Variants in ADRA1B observed in about 807,000 individuals in gnomAD.
ADRA1B encodes adrenoceptor alpha 1B, also known as alpha-1B adrenergic receptor.
ADRA1B carries 17 observed loss-of-function variants against 17.9 expected under a neutral mutation model. The observed-to-expected ratio is 0.95, with a 90% CI of 0.65 to 1.42. The LOEUF is 1.42. ADRA1B is among the 40% of genes most tolerant of loss of function. The pLI is 0.00. For synonymous variants in ADRA1B, 366 were observed against 327.6 expected, an observed-to-expected ratio of 1.12 and a Z score of -1.27; for missense variants, 681 against 722.1, an observed-to-expected ratio of 0.94 and a Z score of 0.65.
Position 159,925,451 on chromosome 5 carries a change from C to A in ADRA1B, c.949+7597C>A, listed in dbSNP as rs186515239. Among the ~76,000 whole-genome samples the A allele has an allele frequency of 3.3e-5, 5 of 152,170 alleles. No homozygotes were observed. In the East Asian group the frequency reaches 9.6e-4, roughly 29 times the overall value. On this transcript the variant is annotated intron_variant, in intron 1 of 1. Coordinates refer to ENST00000306675, the MANE Select transcript of ADRA1B (RefSeq NM_000679.4). ...GGAGAAACACATAAAATTTAGAGGA[C>A]TTTTTTACAGTTTAGTTTCTGGCTG...
intron 1 of ADRA1B, chr5:159,950,716 A>T: frequency 1.5e-6 from 1 of 681,094 alleles, no homozygotes; most frequent in Non-Finnish European, 2.7e-6. Flanking sequence ...TGCTCACTTC[A>T]CCACCTTCTT....
chr5:159,872,373 A>T (rs1218799466), intron 1 of ADRA1B, among the ~76,000 whole-genome samples: 3 of 152,194 alleles, frequency 2.0e-5, no homozygotes, highest in Admixed American at 2.0e-4. Context: ...GCTAGAAGCC[A>T]GCTGATGCAG....
At chr5:159,938,271 C>T (rs751017012) in intron 1 of ADRA1B, among the ~76,000 whole-genome samples, 3 of 152,206 alleles carry the variant, frequency 2.0e-5, no homozygotes, top group Non-Finnish European at 2.9e-5. Context: ...ATATGATGAG[C>T]TAATCCTCAG....
intron 1 of ADRA1B, among the ~76,000 whole-genome samples, chr5:159,941,664 G>A (rs1755130350): frequency 6.6e-6 from 1 of 152,140 alleles, no homozygotes; most frequent in South Asian, 2.1e-4. Context: ...GCAAAATGTG[G>A]TATATCCATA....
intron 1 of ADRA1B, among the ~76,000 whole-genome samples, chr5:159,962,548 T>C (rs1256351367): frequency 4.6e-5 from 7 of 151,968 alleles, no homozygotes; most frequent in Admixed American, 3.3e-4. Flanking sequence ...ATCTGTAAAA[T>C]AGGGATAATC....
chr5:159,919,730 G>C (rs533430242), intron 1 of ADRA1B, among the ~76,000 whole-genome samples: 1 of 152,232 alleles, frequency 6.6e-6, no homozygotes, highest in Non-Finnish European at 1.5e-5. Flanking sequence ...AGCCTGCAGA[G>C]GCTGTGACCA....
intron 1 of ADRA1B, among the ~76,000 whole-genome samples, chr5:159,893,379 C>T (rs1754008105): frequency 2.4e-5 from 1 of 40,846 alleles, no homozygotes; most frequent in Admixed American, 1.6e-4. Context: ...AGTGCCTTAT[C>T]CATAGGAAGT....
upstream of ADRA1B, among the ~76,000 whole-genome samples, chr5:159,915,202 C>T (rs1270209709): frequency 6.6e-6 from 1 of 152,174 alleles, no homozygotes; most frequent in African/African-American, 2.4e-5. Context: ...TAGCTGAGTA[C>T]CCAACTTTGG....
At chr5:159,986,240 G>C in the ADRA1B span, among the ~76,000 whole-genome samples, 4 of 152,198 alleles carry the variant, frequency 2.6e-5, no homozygotes, top group Non-Finnish European at 5.9e-5. Flanking sequence ...GACTACAGGT[G>C]CATGCCACCA....
chr5:159,972,422 C>T lies in ADRA1B; in HGVS notation c.1493C>T (p.Ala498Val). ...DGGASNGGCEAAADVANGQPG... is the reference protein window; with the variant it reads ...DGGASNGGCEVAADVANGQPG... ...GGCGCCAGCAACGGAGGCTGCGAGGCCGCGGCCGACGTGGCCAACGGGCAG... is the reference window on the plus strand; with the variant it reads ...GGCGCCAGCAACGGAGGCTGCGAGGTCGCGGCCGACGTGGCCAACGGGCAG... The change falls in exon 2 of 2, where the codon GCC (alanine) becomes GTC (valine). Residue 498 changes from alanine (A) to valine (V), a missense_variant. Around this residue, in one of 3 missense-constraint regions of ADRA1B, gnomAD observed 251 missense variants for 224.9 expected, o/e 1.12. Transcript: ENST00000306675. 2 of 1,508,168 alleles carry T rather than the reference C, an allele frequency of 1.3e-6. No individual in the cohort carries two copies. The highest frequency in any genetic ancestry group is 2.1e-5 in the Admixed American group (1 of 48,476). The allele number at this position is 1,508,168 out of a possible 1,614,324, so 93.4% of individuals were successfully genotyped here. A position where few individuals can be genotyped will look rare whatever the true frequency, so the allele number is the denominator to read the frequency against.
In ADRA1B at chr5:159,876,053, G is replaced by A. The variant is rs111622182; in HGVS notation, c.-256+10847G>A. Among the ~76,000 whole-genome samples, 5 of 144,672 alleles carry A rather than the reference G, an allele frequency of 3.5e-5. No individual in the cohort carries two copies. The South Asian group carries it at 6.6e-4, about 19-fold the overall frequency. 94.9% of individuals were successfully genotyped at this position (144,672 alleles called of 152,430 possible). On this transcript the variant is annotated intron_variant, in intron 1 of 2. Transcript: ENST00000641205. ...AAAATACAAAAATTAAGCAGAAATG[G>A]TGGTGCATACCTGTAATCCCAGCTA...
intron 1 of ADRA1B, among the ~76,000 whole-genome samples, chr5:159,875,096 G>A (rs763582627): frequency 1.3e-5 from 2 of 151,946 alleles, no homozygotes; most frequent in Admixed American, 6.6e-5. Context: ...CCTCCACCCC[G>A]ATTCTTAGAG....
At chr5:159,930,758 T>C (rs1007712008) in intron 1 of ADRA1B, among the ~76,000 whole-genome samples, 4 of 152,054 alleles carry the variant, frequency 2.6e-5, no homozygotes, top group Admixed American at 6.5e-5. Flanking sequence ...AGGAGTAGAT[T>C]ATTAGCTTTT....
chr5:159,930,647 A>G (rs1754778608), intron 1 of ADRA1B, among the ~76,000 whole-genome samples: 1 of 152,238 alleles, frequency 6.6e-6, no homozygotes, highest in Non-Finnish European at 1.5e-5. Context: ...AGGATTGCTC[A>G]TAATATCTAA....
At chr5:159,909,370 C>T (rs1025817533) in intron 1 of ADRA1B, among the ~76,000 whole-genome samples, 10 of 152,188 alleles carry the variant, frequency 6.6e-5, no homozygotes, top group African/African-American at 2.4e-4. Context: ...CAAAGCTGGG[C>T]TCTAACACTT....
chr5:159,953,586 G>T (rs922523452), intron 1 of ADRA1B, among the ~76,000 whole-genome samples: 1 of 152,168 alleles, frequency 6.6e-6, no homozygotes, highest in Admixed American at 6.5e-5. Flanking sequence ...TCAAATTGAA[G>T]CCTGTCTCTA....
chr5:159,943,625 G>GT (rs1323353714), intron 1 of ADRA1B, among the ~76,000 whole-genome samples: 3 of 152,050 alleles, frequency 2.0e-5, no homozygotes, highest in African/African-American at 7.2e-5. Context: ...TATGCTTGCT[G>GT]TAGGCTGAGC....
the ADRA1B span, among the ~76,000 whole-genome samples, chr5:159,982,457 A>G: frequency 2.0e-5 from 3 of 152,202 alleles, no homozygotes; most frequent in Admixed American, 2.0e-4. Context: ...TCAACAACCC[A>G]GAACACTGGG....
intron 1 of ADRA1B, among the ~76,000 whole-genome samples, chr5:159,903,722 A>G (rs1325981350): frequency 6.6e-6 from 1 of 152,154 alleles, no homozygotes; most frequent in Non-Finnish European, 1.5e-5. Context: ...TAGCAACCAG[A>G]ACACCTCCAG....
Sources: allele counts gnomAD v4.1 joint callset (sites outside exome capture counted in the v4.1 genomes callset), GRCh38; gene constraint gnomAD v4.1.1; regional missense constraint gnomAD v4.1.1; transcripts MANE v1.5; gene names NCBI Gene and HGNC (gene_info 2026-07-23, HGNC 2026-07-21).